Variants in UGT1A8 observed in about 807,000 individuals in gnomAD.
The protein encoded by UGT1A8 is UDP-glucuronosyltransferase 1A8.
In UGT1A8, 39 loss-of-function variants were observed where a neutral mutation model predicts 45.3. The ratio of observed to expected loss-of-function variants is 0.86; its 90% CI spans 0.67 to 1.12. The LOEUF (loss-of-function observed/expected upper bound fraction) is 1.12, where lower values mean the gene tolerates loss of function less well. Ranked by LOEUF, UGT1A8 falls within the 50% of genes most tolerant of loss-of-function variation. The pLI, the probability that UGT1A8 is intolerant of heterozygous loss-of-function variation, is 0.00. For missense variants in UGT1A8, 719 were observed against 664.9 expected (o/e 1.08, Z -0.90); for synonymous variants, 275 against 249.2 (o/e 1.10, Z -0.97).
chr2:233,637,782 T>C (rs1203779876), intron 1 of UGT1A8, among the ~76,000 whole-genome samples: 1 of 152,210 alleles, frequency 6.6e-6, no homozygotes, highest in African/African-American at 2.4e-5. Flanking sequence ...TAAGTTCCCA[T>C]ACCTATTTAG....
In UGT1A8 at chr2:233,772,680, C is replaced by T; in HGVS notation, c.*121C>T. 2 of 1,530,096 alleles carry T rather than the reference C, an allele frequency of 1.3e-6. No homozygotes were observed. The highest frequency in any genetic ancestry group is 2.5e-5 in the South Asian group (2 of 81,594). 94.8% of individuals were successfully genotyped at this position (1,530,096 alleles called of 1,614,324 possible). A position where few individuals can be genotyped will look rare whatever the true frequency, so the allele number is the denominator to read the frequency against. On this transcript the variant is annotated 3_prime_UTR_variant, in exon 5 of 5. Transcript: ENST00000373450. ...AAGGAAATACTTTGCATAAATTAAT[C>T]AGCCCCAGAGTGCTTTAAAAAATTC...
chr2:233,638,002 T>C (rs1224387509), intron 1 of UGT1A8, among the ~76,000 whole-genome samples: 1 of 152,188 alleles, frequency 6.6e-6, no homozygotes, highest in African/African-American at 2.4e-5. Context: ...CTCTTTCCTT[T>C]TGTGAATAAG....
chr2:233,772,961 T>C lies in UGT1A8; in HGVS notation c.*402T>C, dbSNP rs1575872902. On this transcript the variant is annotated 3_prime_UTR_variant, in exon 5 of 5. Transcript: ENST00000373450. The stretch of plus-strand genomic sequence containing the variant: ...TTTGGCTTCTGCAGATGGTTGCAAT[T>C]GATCCTTAACCAATAATGGTCAGTC... 2 of 315,806 alleles carry C rather than the reference T, an allele frequency of 6.3e-6. No homozygotes were observed. Among genetic ancestry groups the C allele is most frequent in the East Asian group, 1.6e-4 (2 of 12,236 alleles). 19.6% of individuals were successfully genotyped at this position (315,806 alleles called of 1,614,324 possible).
intron 1 of UGT1A8, among the ~76,000 whole-genome samples, chr2:233,652,268 C>CT (rs1194727070): frequency 1.8e-4 from 27 of 152,148 alleles, no homozygotes; most frequent in African/African-American, 6.0e-4. Context: ...TTTATTTCAA[C>CT]TTTTTTTTGT....
At chr2:233,737,053 G>A (rs2078838819) in intron 1 of UGT1A8, among the ~76,000 whole-genome samples, 1 of 152,218 alleles carries the variant, frequency 6.6e-6, no homozygotes, top group Non-Finnish European at 1.5e-5. Context: ...CATACTAGGA[G>A]AACGAGTGCT....
At chr2:233,693,700 C>T (rs536034017) in intron 1 of UGT1A8, 39 of 1,614,174 alleles carry the variant, frequency 2.4e-5, no homozygotes, top group Non-Finnish European at 2.7e-5. Flanking sequence ...ATGAAGAACT[C>T]GCATCAGCTG....
At chr2:233,760,859 C>T in intron 1 of UGT1A8, 1 of 1,614,112 alleles carries the variant, frequency 6.2e-7, no homozygotes, top group Non-Finnish European at 8.5e-7. Context: ...AACCCATTCT[C>T]CTACGTGCCC....
At chr2:233,634,787 T>C (rs2073249461) in intron 1 of UGT1A8, among the ~76,000 whole-genome samples, 1 of 150,900 alleles carries the variant, frequency 6.6e-6, no homozygotes, top group African/African-American at 2.5e-5. Context: ...AATTGGGGCA[T>C]TTAGCCCATT....
intron 1 of UGT1A8, among the ~76,000 whole-genome samples, chr2:233,733,037 G>T (rs562709334): frequency 5.5e-4 from 83 of 152,142 alleles, no homozygotes; most frequent in Non-Finnish European, 1.1e-3. Context: ...TCCCTTTTAA[G>T]TTGGATTCCT....
At chr2:233,636,871 C>T (rs45507501) in intron 1 of UGT1A8, 4 of 1,614,076 alleles carry the variant, frequency 2.5e-6, no homozygotes, top group East Asian at 2.2e-5. Flanking sequence ...CAGTGGTTTT[C>T]TTGACTTATT....
At chr2:233,696,465 G>T (rs1012923510) in intron 1 of UGT1A8, among the ~76,000 whole-genome samples, 1 of 152,088 alleles carries the variant, frequency 6.6e-6, no homozygotes, top group Admixed American at 6.5e-5. Context: ...ATTTTTGTAA[G>T]TTGATCTTGT....
intron 1 of UGT1A8, among the ~76,000 whole-genome samples, chr2:233,759,016 T>G (rs1226235816): frequency 6.6e-6 from 1 of 152,208 alleles, no homozygotes; most frequent in Non-Finnish European, 1.5e-5. Context: ...TTAATTGAAT[T>G]TGCTTATCTA....
At chr2:233,695,569 C>T (rs7607180) in intron 1 of UGT1A8, among the ~76,000 whole-genome samples, 104 of 151,972 alleles carry the variant, frequency 6.8e-4, no homozygotes, top group African/African-American at 2.2e-3. Context: ...TTTTCACCCC[C>T]CCTTCCCTAC....
chr2:233,732,561 G>A (rs1386480566), intron 1 of UGT1A8, among the ~76,000 whole-genome samples: 1 of 152,180 alleles, frequency 6.6e-6, no homozygotes, highest in African/African-American at 2.4e-5. Context: ...ATTAAATAAG[G>A]AATCCTTTCC....
chr2:233,646,119 C>T (rs1462274348), intron 1 of UGT1A8, among the ~76,000 whole-genome samples: 1 of 152,236 alleles, frequency 6.6e-6, no homozygotes, highest in Non-Finnish European at 1.5e-5. Flanking sequence ...TCGGCACTTG[C>T]ACCTTCTGAA....
At chr2:233,649,052 T>G in intron 1 of UGT1A8, 1 of 992,158 alleles carries the variant, frequency 1.0e-6, no homozygotes, top group South Asian at 3.0e-5. Context: ...TTTAGCACAT[T>G]AAAAGTATTC....
intron 1 of UGT1A8, chr2:233,717,733 A>T (rs2076602571): frequency 4.4e-6 from 2 of 456,030 alleles, no homozygotes; most frequent in Admixed American, 4.7e-5. Context: ...GACCATTGTG[A>T]GTGCTCAGGG....
At chr2:233,692,938 C>T (rs770236705) in intron 1 of UGT1A8, 113 of 1,592,260 alleles carry the variant, frequency 7.1e-5, no homozygotes, top group Non-Finnish European at 9.0e-5. Flanking sequence ...AGGGAAAATA[C>T]CTAGGAGCCC....
intron 1 of UGT1A8, among the ~76,000 whole-genome samples, chr2:233,683,637 T>C (rs1227086066): frequency 6.6e-6 from 1 of 152,098 alleles, no homozygotes; most frequent in East Asian, 1.9e-4. Context: ...ATAAATAAAA[T>C]TTTGCACTTT....
Sources: gnomAD v4.1 joint callset for allele counts (sites outside exome capture counted in the v4.1 genomes callset) on GRCh38, gnomAD v4.1.1 for gene constraint, MANE v1.5 for transcripts, NCBI Gene and HGNC (gene_info 2026-07-23, HGNC 2026-07-21) for gene names.